VAMP7: variants seen among roughly 807,000 people sequenced by gnomAD.
VAMP7 encodes the protein vesicle associated membrane protein 7, also known as vesicle-associated membrane protein 7.
A neutral mutation model predicts 29.6 loss-of-function variants in VAMP7; 14 were observed. That is an observed-to-expected ratio of 0.47 (90% CI 0.31 to 0.74). VAMP7 has a LOEUF of 0.74. Among genes scored for constraint, VAMP7 ranks in the 30% least tolerant of loss-of-function variants. The pLI is 0.05. For missense variants in VAMP7, 223 were observed against 262.4 expected (o/e 0.85, Z 1.04); for synonymous variants, 95 against 88.1 (o/e 1.08, Z -0.44).
chrX:155,918,404 A>G (rs192486062), intron 5 of VAMP7, among the ~76,000 whole-genome samples: 12 of 152,212 alleles, frequency 7.9e-5, no homozygotes, highest in African/African-American at 2.4e-4. Context: ...ATGGCCGCCC[A>G]GTTTTGTGCT....
chrX:155,941,773 C>T, intron 7 of VAMP7, 110 bp from the exon 8 acceptor site: 1 of 1,242,386 alleles, frequency 8.0e-7, no homozygotes, highest in Non-Finnish European at 1.1e-6. Flanking sequence ...ATAACTGCTA[C>T]TCTAATGGAA....
intron 6 of VAMP7, among the ~76,000 whole-genome samples, chrX:155,921,662 GGTCAGTTT>G (rs1461367979): frequency 2.0e-5 from 3 of 151,394 alleles, no homozygotes; most frequent in Non-Finnish European, 1.5e-5. Flanking sequence ...TTGTTCCATT[GGTCAGTTT>G]GTCTACCTTT....
chrX:155,917,592 G>C (rs1314805094), intron 5 of VAMP7, among the ~76,000 whole-genome samples: 1 of 152,094 alleles, frequency 6.6e-6, no homozygotes, highest in East Asian at 1.9e-4. Flanking sequence ...GAGTTTGTTG[G>C]AGGTCCACTC....
At chrX:155,890,129 A>G (rs779377026) in intron 2 of VAMP7, among the ~76,000 whole-genome samples, 18 of 152,088 alleles carry the variant, frequency 1.2e-4, no homozygotes, top group Non-Finnish European at 1.9e-4. Context: ...AACAGCAGGT[A>G]GAGAAGTATG....
chrX:155,937,714 A>G (rs2066682755), intron 6 of VAMP7, among the ~76,000 whole-genome samples: 1 of 151,860 alleles, frequency 6.6e-6, no homozygotes, highest in African/African-American at 2.4e-5. Flanking sequence ...TATTTGGGGG[A>G]TATTTTCTTC....
chrX:155,921,872 C>T (rs1336287128), intron 6 of VAMP7, among the ~76,000 whole-genome samples: 1 of 152,010 alleles, frequency 6.6e-6, no homozygotes, highest in Non-Finnish European at 1.5e-5. Context: ...ATCTTTGTGA[C>T]TGCATTTAAT....
At chrX:155,941,343 G>A (rs765355558) in intron 7 of VAMP7, among the ~76,000 whole-genome samples, 1 of 152,060 alleles carries the variant, frequency 6.6e-6, no homozygotes, top group East Asian at 1.9e-4. Context: ...TACATCATCT[G>A]CTTTTCATTG....
chrX:155,935,471 C>T (rs1340823883), intron 6 of VAMP7, among the ~76,000 whole-genome samples: 2 of 152,142 alleles, frequency 1.3e-5, no homozygotes, highest in African/African-American at 4.8e-5. Context: ...CACGGATACC[C>T]TTTCTTCCAG....
At chrX:155,902,828 C>T (rs1319505992) in intron 5 of VAMP7, among the ~76,000 whole-genome samples, 1 of 150,032 alleles carries the variant, frequency 6.7e-6, no homozygotes, top group Admixed American at 6.7e-5. Context: ...GTCTAAAATT[C>T]TCTTTTTTGG....
At chrX:155,927,402 A>T (rs2066484291) in intron 6 of VAMP7, among the ~76,000 whole-genome samples, 2 of 105,880 alleles carry the variant, frequency 1.9e-5, no homozygotes, top group South Asian at 6.1e-4. Flanking sequence ...AGTGCAGGCC[A>T]AGCAGGAAAA....
chrX:155,891,396 G>C (rs1315234342), intron 2 of VAMP7, among the ~76,000 whole-genome samples: 2 of 152,116 alleles, frequency 1.3e-5, no homozygotes, highest in Non-Finnish European at 2.9e-5. Flanking sequence ...TTGGCTCCAA[G>C]TCCAGCATGT....
At chrX:155,932,226 T>C (rs1335565698) in intron 6 of VAMP7, among the ~76,000 whole-genome samples, 1 of 152,196 alleles carries the variant, frequency 6.6e-6, no homozygotes, top group Non-Finnish European at 1.5e-5. Context: ...TTAAAGTAGT[T>C]TTTTCCAATT....
At chrX:155,929,272 A>C (rs747329362) in intron 6 of VAMP7, among the ~76,000 whole-genome samples, 2 of 152,344 alleles carry the variant, frequency 1.3e-5, no homozygotes, top group Non-Finnish European at 2.9e-5. Context: ...AGCAGTTACA[A>C]GTAGGTTTTT....
At chrX:155,930,237 C>T (rs188582891) in intron 6 of VAMP7, among the ~76,000 whole-genome samples, 1 of 152,274 alleles carries the variant, frequency 6.6e-6, no homozygotes, top group African/African-American at 2.4e-5. Context: ...TCTCCAGCTC[C>T]ACTTGGTGTG....
At chrX:155,936,395 A>G (rs897601692) in intron 6 of VAMP7, among the ~76,000 whole-genome samples, 36 of 152,184 alleles carry the variant, frequency 2.4e-4, no homozygotes, top group Non-Finnish European at 8.8e-5. Flanking sequence ...AGCCTCAGCA[A>G]TGGCGGGCGC....
At chrX:155,901,404 C>T (rs1490993588) in intron 5 of VAMP7, among the ~76,000 whole-genome samples, 1 of 152,020 alleles carries the variant, frequency 6.6e-6, no homozygotes, top group African/African-American at 2.4e-5. Flanking sequence ...AAAGTGGAGG[C>T]AGACAATTGC....
At chrX:155,937,829 A>G (rs2066684525) in intron 6 of VAMP7, among the ~76,000 whole-genome samples, 2 of 152,264 alleles carry the variant, frequency 1.3e-5, no homozygotes, top group South Asian at 2.1e-4. Flanking sequence ...CACATGTTAA[A>G]TATCTGTTGA....
chrX:155,892,498 G>A (rs1271197462), intron 2 of VAMP7, among the ~76,000 whole-genome samples: 1 of 151,978 alleles, frequency 6.6e-6, no homozygotes, highest in African/African-American at 2.4e-5. Flanking sequence ...TTCATACTTA[G>A]CCATTTACAA....
intron 5 of VAMP7, among the ~76,000 whole-genome samples, chrX:155,907,902 G>A (rs1365427682): frequency 1.1e-4 from 16 of 152,192 alleles, no homozygotes; most frequent in African/African-American, 2.6e-4. Flanking sequence ...GGGCAGCGAC[G>A]CTCCTCACCT....
Sources: allele counts gnomAD v4.1 joint callset (sites outside exome capture counted in the v4.1 genomes callset), GRCh38; gene constraint gnomAD v4.1.1; transcripts MANE v1.5; gene names NCBI Gene and HGNC (gene_info 2026-07-23, HGNC 2026-07-21).